Variants in PRRC2B observed in about 807,000 individuals in gnomAD.
The protein encoded by PRRC2B is protein PRRC2B.
PRRC2B carries 68 observed loss-of-function variants against 242.3 expected under a neutral mutation model. The observed-to-expected ratio is 0.28, with a 90% CI of 0.23 to 0.34. PRRC2B has a LOEUF of 0.34. PRRC2B is among the 10% of genes least tolerant of loss of function. PRRC2B has a pLI of 1.00. For missense variants in PRRC2B, 2,835 were observed against 2,954.8 expected (o/e 0.96, Z 0.94); for synonymous variants, 1,228 against 1,173.6 (o/e 1.05, Z -0.95).
At position 131,476,700 on chromosome 9, in the gene PRRC2B, C is replaced by T. The variant is rs149700564; in HGVS notation, c.4406+165C>T. On this transcript the variant is annotated intron_variant, in intron 16 of 31. Transcript: ENST00000683519. ...CTGCCCCCACATTGCCTGTCTGCTT[C>T]TCGTGGTGGTGTTATTGTGGCTAGA... Among the ~76,000 whole-genome samples the T allele has an allele frequency of 8.5e-4, 130 of 152,276 alleles. 1 individual carries two copies. Among genetic ancestry groups the T allele is most frequent in the Middle Eastern group, 3.4e-3 (1 of 294 alleles).
intron 3 of PRRC2B, 142 bp downstream of exon 3, chr9:131,432,936 C>A: frequency 1.3e-6 from 1 of 786,606 alleles, no homozygotes; most frequent in Non-Finnish European, 2.0e-6. Context: ...CTGGGAGATG[C>A]AAATGAAGCT....
At chr9:131,413,435 T>C (rs1189837451) in intron 1 of PRRC2B, among the ~76,000 whole-genome samples, 1 of 152,224 alleles carries the variant, frequency 6.6e-6, no homozygotes, top group Admixed American at 6.5e-5. Context: ...GCAGAAAGTA[T>C]AAAAATGGCC....
intron 19 of PRRC2B, among the ~76,000 whole-genome samples, chr9:131,481,329 A>AAG (rs1943859515): frequency 6.6e-6 from 1 of 151,054 alleles, no homozygotes; most frequent in Non-Finnish European, 1.5e-5. Flanking sequence ...AAAAAAAAAA[A>AAG]AAAGAAAGAT....
At chr9:131,418,725 C>T (rs980480093) in intron 1 of PRRC2B, among the ~76,000 whole-genome samples, 5 of 152,240 alleles carry the variant, frequency 3.3e-5, no homozygotes, top group Non-Finnish European at 5.9e-5. Context: ...TGTGTGTGTG[C>T]TCAGCTCAGC....
Position 131,491,516 on chromosome 9 carries a change from T to C in PRRC2B, c.6317T>C (p.Val2106Ala), listed in dbSNP as rs1462179954. Reference protein sequence around the residue: ...IQLPPGQSLSVGAPRRIPPPG... With the variant: ...IQLPPGQSLSAGAPRRIPPPG... Reference sequence around the variant, plus strand: ...CTGCCACCTGGGCAGAGCCTCTCCGTTGGGGCCCCCCGAAGGATTCCTCCG... The same window carrying C: ...CTGCCACCTGGGCAGAGCCTCTCCGCTGGGGCCCCCCGAAGGATTCCTCCG... Residue 2106 changes from valine (V) to alanine (A), a missense_variant, in exon 29 of 32, where the codon GTT becomes GCT. Coordinates refer to ENST00000683519, the MANE Select transcript of PRRC2B (RefSeq NM_013318.4). 5.0e-6 allele frequency: 8 copies of C among 1,612,346 alleles called. No individual in the cohort carries two copies. In the South Asian group the frequency reaches 6.6e-5, roughly 13 times the overall value.
Position 131,446,652 on chromosome 9 carries a change from C to A in PRRC2B, c.855+10C>A, listed in dbSNP as rs765937811. Reference sequence around the variant, plus strand: ...CATGCTTCCTGCTTTTGTAAGTCTTCAGAGTGTACTTTTTTTCCCCCCATG... The same window carrying A: ...CATGCTTCCTGCTTTTGTAAGTCTTAAGAGTGTACTTTTTTTCCCCCCATG... On this transcript the variant is annotated intron_variant, in intron 7 of 31. Coordinates refer to ENST00000683519, the MANE Select transcript of PRRC2B (RefSeq NM_013318.4). This position sits in a 1 kb window ranked among gnomAD's most constrained non-coding sequence, Gnocchi z 4.1. The A allele has an allele frequency of 6.2e-7, 1 of 1,613,290 alleles. No individual in the cohort carries two copies. The highest frequency in any genetic ancestry group is 1.1e-5 in the South Asian group (1 of 91,062).
intron 1 of PRRC2B, among the ~76,000 whole-genome samples, chr9:131,420,502 T>TCTTTCTTTCTTTCTTTCC (rs1564278677): frequency 1.0e-5 from 1 of 97,902 alleles, no homozygotes; most frequent in Admixed American, 1.1e-4. Context: ...TCTTTTTTTT[T>TCTTTCTTTCTTTCTTTCC]TTTTTTTTGA....
chr9:131,497,022 C>G lies in PRRC2B; in HGVS notation c.*1148C>G, dbSNP rs2131496308. 6.6e-6 allele frequency: 1 copy of G among 152,498 alleles called. No homozygotes were observed. The highest frequency in any genetic ancestry group is 2.1e-4 in the South Asian group (1 of 4,832). The allele number at this position is 152,498 out of a possible 1,614,324, so 9.4% of individuals were successfully genotyped here. ...GGACCTGTCTCCACCTCCCACACAG[C>G]TCATCGTGAACACCACTTGGTGATG... On this transcript the variant is annotated 3_prime_UTR_variant, in exon 32 of 32. Coordinates refer to ENST00000683519, the MANE Select transcript of PRRC2B (RefSeq NM_013318.4).
chr9:131,384,854 C>T (rs914937941), intron 1 of PRRC2B, among the ~76,000 whole-genome samples: 2 of 152,092 alleles, frequency 1.3e-5, no homozygotes, highest in East Asian at 1.9e-4. Flanking sequence ...CGCGCCTGGT[C>T]GAAGGAGACA....
At chr9:131,394,823 G>C (rs1248329422) in intron 1 of PRRC2B, among the ~76,000 whole-genome samples, 47 of 152,048 alleles carry the variant, frequency 3.1e-4, no homozygotes, top group Non-Finnish European at 7.4e-5. Flanking sequence ...GTTGGCGGCT[G>C]GGGGAGGGAG....
intron 10 of PRRC2B, among the ~76,000 whole-genome samples, chr9:131,457,845 GTTGTCCCCTCTGTAATTT>G (rs1226084595): frequency 2.0e-5 from 3 of 152,114 alleles, no homozygotes; most frequent in Non-Finnish European, 4.4e-5. Flanking sequence ...CTCTGTAATT[GTTGTCCCCTCTGTAATTT>G]TCCCCTCTGT....
intron 4 of PRRC2B, among the ~76,000 whole-genome samples, chr9:131,437,469 G>T (rs577201375): frequency 6.6e-6 from 1 of 152,328 alleles, no homozygotes; most frequent in South Asian, 2.1e-4. Context: ...GATATACTTA[G>T]CCAGAACTAG....
chr9:131,392,444 T>C (rs1836917416), upstream of PRRC2B, among the ~76,000 whole-genome samples: 1 of 151,182 alleles, frequency 6.6e-6, no homozygotes, highest in Non-Finnish European at 1.5e-5. Context: ...ATTTATTTTT[T>C]ATTTGTTTAT....
chr9:131,436,766 G>T (rs1251250471), intron 4 of PRRC2B, 44 bp downstream of exon 4: 1 of 1,506,662 alleles, frequency 6.6e-7, no homozygotes, highest in Non-Finnish European at 9.2e-7. Flanking sequence ...GGGCATGGTA[G>T]CCCCTAAATC....
intron 9 of PRRC2B, among the ~76,000 whole-genome samples, chr9:131,454,792 T>G (rs1943021786): frequency 6.6e-6 from 1 of 152,130 alleles, no homozygotes; most frequent in Non-Finnish European, 1.5e-5. Context: ...CACGCCACCA[T>G]GCCCGACTAA....
chr9:131,426,701 G>C (rs1377795382), intron 1 of PRRC2B, among the ~76,000 whole-genome samples: 1 of 152,152 alleles, frequency 6.6e-6, no homozygotes, highest in East Asian at 1.9e-4. Context: ...GAGGGCTGCT[G>C]GGGTCAAGCA....
chr9:131,482,421 G>A lies in PRRC2B; in HGVS notation c.5034G>A (p.Glu1678=), dbSNP rs371954967. Residue 1678 remains glutamate (E), a synonymous_variant, in exon 21 of 32, where the codon GAG becomes GAA. Coordinates refer to ENST00000683519, the MANE Select transcript of PRRC2B (RefSeq NM_013318.4). This position sits in a 1 kb window ranked among gnomAD's most constrained non-coding sequence, Gnocchi z 5.2. ...QGDSGVDLSA[E]SRESSATSSQ... is the part of the protein sequence containing the mutation. The stretch of plus-strand genomic sequence containing the variant: ...ATAGTGGCGTTGACTTGAGTGCCGA[G>A]TCTCGGGAGTCGTCTGCGACCTCCT... The A allele has an allele frequency of 8.3e-5, 133 of 1,602,262 alleles. 1 individual carries two copies. In the African/African-American group the frequency reaches 1.4e-3, roughly 17 times the overall value.
Position 131,487,199 on chromosome 9 carries a change from T to A in PRRC2B, c.5889T>A (p.Leu1963=). Residue 1963 remains leucine, a synonymous_variant, in exon 27 of 32, where the codon CTT becomes CTA. Coordinates refer to ENST00000683519, the MANE Select transcript of PRRC2B (RefSeq NM_013318.4). The surrounding 1 kb of genome is among the most constrained non-coding windows in gnomAD (Gnocchi z 5.3). ...CTGCCCAGCAGATCCCGATCTCCCT[T>A]CACACATCTCTGCAGGCACAAGCTC... is the stretch of plus-strand genomic sequence containing the variant. ...AAAAQQIPIS[L]HTSLQAQAQL... 1 of 1,613,834 alleles carries A rather than the reference T, an allele frequency of 6.2e-7. No homozygotes were observed. The highest frequency in any genetic ancestry group is 8.5e-7 in the Non-Finnish European group (1 of 1,179,784).
Position 131,429,238 on chromosome 9 carries a change from C to T in PRRC2B, c.-51-856C>T, listed in dbSNP as rs144815246. Among the ~76,000 whole-genome samples the T allele has an allele frequency of 2.6e-4, 39 of 152,296 alleles. No individual in the cohort carries two copies. The East Asian group carries it at 5.8e-3, about 23-fold the overall frequency. Reference sequence around the variant, plus strand: ...CTGGGATTACAGGCGTGAACCACCACGCCCAGCCAGGCGCTTAGTATTTTG... The same window carrying T: ...CTGGGATTACAGGCGTGAACCACCATGCCCAGCCAGGCGCTTAGTATTTTG... On this transcript the variant is annotated intron_variant, in intron 1 of 31. Transcript: ENST00000683519.
Sources: gnomAD v4.1 joint callset for allele counts (sites outside exome capture counted in the v4.1 genomes callset) on GRCh38, gnomAD v4.1.1 for gene constraint, Gnocchi (gnomAD v3.1) non-coding constraint, MANE v1.5 for transcripts, NCBI Gene and HGNC (gene_info 2026-07-23, HGNC 2026-07-21) for gene names.